TIAL1: variants seen among roughly 807,000 people sequenced by gnomAD.
TIAL1 encodes TIA1 cytotoxic granule associated RNA binding protein like 1, also known as nucleolysin TIAR.
TIAL1 carries 7 observed loss-of-function variants against 59.7 expected under a neutral mutation model. The ratio of observed to expected loss-of-function variants is 0.12; its 90% CI spans 0.07 to 0.22. The LOEUF is 0.22. Among genes scored for constraint, TIAL1 ranks in the 10% least tolerant of loss-of-function variants. TIAL1 has a pLI of 1.00. For synonymous variants in TIAL1, 149 were observed against 146.3 expected (o/e 1.02, Z -0.13); for missense variants, 225 against 462.5 (o/e 0.49, Z 4.71).
At chr10:119,583,329 T>C (rs1845386507) in intron 2 of TIAL1, among the ~76,000 whole-genome samples, 1 of 152,144 alleles carries the variant, frequency 6.6e-6, no homozygotes, top group Admixed American at 6.5e-5. Context: ...AAGAACACCA[T>C]ATAAAAAATC....
intron 1 of TIAL1, among the ~76,000 whole-genome samples, chr10:119,590,769 A>AG (rs1491278715): frequency 1.0e-3 from 89 of 87,276 alleles, no homozygotes; most frequent in African/African-American, 4.3e-3. Context: ...AGAGAGAAAG[A>AG]AAGAAAGAAA....
At chr10:119,586,689 C>T (rs542803435) in intron 2 of TIAL1, among the ~76,000 whole-genome samples, 1 of 152,292 alleles carries the variant, frequency 6.6e-6, no homozygotes, top group East Asian at 1.9e-4. Context: ...GACTCATTTC[C>T]CTTAACTCCC....
chr10:119,596,759 T>C lies in TIAL1; in HGVS notation c.-294A>G. Reference sequence around the variant, plus strand: ...ACCGCTCAGGCCAGCCGCGACAGCCTGCAAGGGGGACGACCGAGGGGAGAG... The same window carrying C: ...ACCGCTCAGGCCAGCCGCGACAGCCCGCAAGGGGGACGACCGAGGGGAGAG... On this transcript the variant is annotated 5_prime_UTR_variant, in exon 1 of 12. Coordinates refer to ENST00000436547, the MANE Select transcript of TIAL1 (RefSeq NM_003252.4). 1 of 500,870 alleles carries C rather than the reference T, an allele frequency of 2.0e-6. No homozygotes were observed. Among genetic ancestry groups the C allele is most frequent in the Non-Finnish European group, 3.6e-6 (1 of 278,962 alleles). The allele number at this position is 500,870 out of a possible 1,614,324, so 31.0% of individuals were successfully genotyped here. A position where few individuals can be genotyped will look rare whatever the true frequency, so the allele number is the denominator to read the frequency against.
At chr10:119,593,425 G>T (rs1444544682) in intron 1 of TIAL1, 11 of 937,690 alleles carry the variant, frequency 1.2e-5, no homozygotes, top group Non-Finnish European at 1.4e-5. Flanking sequence ...TAGTAATACT[G>T]TAGGTAATGA....
At chr10:119,586,148 C>G (rs181967574) in intron 2 of TIAL1, among the ~76,000 whole-genome samples, 63 of 152,280 alleles carry the variant, frequency 4.1e-4, no homozygotes, top group Non-Finnish European at 6.8e-4. Context: ...AATCTAACGT[C>G]CACTTTGATG....
chr10:119,577,747 A>C lies in TIAL1; in HGVS notation c.557-11T>G, dbSNP rs1333695782. On this transcript the variant is annotated splice_polypyrimidine_tract_variant and intron_variant, in intron 7 of 11. Coordinates refer to ENST00000436547, the MANE Select transcript of TIAL1 (RefSeq NM_003252.4). The stretch of plus-strand genomic sequence containing the variant: ...ACTGCTTAGTGTTGTCTGTATGCAG[A>C]AACAAAACAAAAACGTTGACTGTTA... 4 of 1,595,656 alleles carry C rather than the reference A, an allele frequency of 2.5e-6. No individual in the cohort carries two copies. The African/African-American group carries it at 4.0e-5, about 16-fold the overall frequency.
intron 5 of TIAL1, chr10:119,580,418 T>G: frequency 5.2e-6 from 4 of 769,026 alleles, no homozygotes; most frequent in Non-Finnish European, 4.9e-6. Context: ...ACAAAATATA[T>G]GAAATATTAA....
Position 119,577,696 on chromosome 10 carries a change from C to T in TIAL1, c.597G>A (p.Gln199=). ...ACACAGTACAATTTTTTGGACTTGA[C>T]TGGTTTACTACATCTTCAAATCTCA... is the stretch of plus-strand genomic sequence containing the variant. ...KQLRFEDVVN[Q]SSPKNCTVYC... is the part of the protein sequence containing the mutation. Residue 199 remains glutamine (Q), a synonymous_variant, in exon 8 of 12, where the codon CAG becomes CAA. Transcript: ENST00000436547. 2 of 1,614,190 alleles carry T rather than the reference C, an allele frequency of 1.2e-6. No individual in the cohort carries two copies. The highest frequency in any genetic ancestry group is 1.7e-6 in the Non-Finnish European group (2 of 1,180,018).
intron 6 of TIAL1, 35 bp from the exon 7 acceptor site, chr10:119,578,869 A>G (rs560573693): frequency 5.3e-6 from 8 of 1,517,834 alleles, no homozygotes; most frequent in South Asian, 2.3e-5. Context: ...TCACAAAGAA[A>G]AGAGTGATAA....
At chr10:119,591,664 G>T (rs571478002) in intron 1 of TIAL1, among the ~76,000 whole-genome samples, 92 of 152,238 alleles carry the variant, frequency 6.0e-4, no homozygotes, top group African/African-American at 2.0e-3. Flanking sequence ...AAACTAACAT[G>T]AAAGGCCTTC....
At chr10:119,579,692 C>T (rs1194339163) in intron 6 of TIAL1, among the ~76,000 whole-genome samples, 5 of 152,146 alleles carry the variant, frequency 3.3e-5, no homozygotes, top group Non-Finnish European at 5.9e-5. Flanking sequence ...TGACCTTTAC[C>T]AATGTACAAA....
At chr10:119,585,634 TGTA>T (rs1845534549) in intron 2 of TIAL1, among the ~76,000 whole-genome samples, 1 of 152,290 alleles carries the variant, frequency 6.6e-6, no homozygotes, top group Admixed American at 6.5e-5. Context: ...AATAGCTGTA[TGTA>T]TACATGGGGT....
At chr10:119,584,050 A>C (rs976369530) in intron 2 of TIAL1, among the ~76,000 whole-genome samples, 3 of 152,208 alleles carry the variant, frequency 2.0e-5, no homozygotes, top group Non-Finnish European at 2.9e-5. Context: ...AATCACAGCA[A>C]AACATACAGG....
chr10:119,577,783 T>C, intron 7 of TIAL1, 47 bp from the exon 8 acceptor site: 6 of 1,481,730 alleles, frequency 4.0e-6, no homozygotes, highest in Non-Finnish European at 5.7e-6. Context: ...TATTGTACTA[T>C]GAAACTCTTC....
chr10:119,584,405 TG>T (rs1479892634), intron 2 of TIAL1, among the ~76,000 whole-genome samples: 4 of 151,798 alleles, frequency 2.6e-5, no homozygotes, highest in African/African-American at 7.2e-5. Flanking sequence ...CATAAAACTA[TG>T]GGGGAAAAAG....
At chr10:119,576,826 A>T in intron 10 of TIAL1, 76 bp from the exon 11 acceptor site, 1 of 1,562,542 alleles carries the variant, frequency 6.4e-7, no homozygotes, top group Non-Finnish European at 8.7e-7. Flanking sequence ...GAGACAAGGA[A>T]GAGAAAAACT....
At position 119,579,918 on chromosome 10, in the gene TIAL1, G is replaced by A; in HGVS notation, c.447+17C>T. ...AATTTAGTATTAAAAAATATAAATTGAGATGGAAGAACGTACCAGTTTGTT... is the reference window on the plus strand; with the variant it reads ...AATTTAGTATTAAAAAATATAAATTAAGATGGAAGAACGTACCAGTTTGTT... On this transcript the variant is annotated intron_variant, in intron 6 of 11. Transcript: ENST00000436547. 5 of 1,558,202 alleles carry A rather than the reference G, an allele frequency of 3.2e-6. No homozygotes were observed. Among genetic ancestry groups the A allele is most frequent in the Non-Finnish European group, 4.3e-6 (5 of 1,155,274 alleles).
intron 6 of TIAL1, 76 bp downstream of exon 6, chr10:119,579,859 T>C: frequency 8.4e-7 from 1 of 1,188,236 alleles, no homozygotes; most frequent in Non-Finnish European, 1.2e-6. Flanking sequence ...TATATTCAAG[T>C]TTCAGATTCA....
In TIAL1 at chr10:119,579,036, T is replaced by C. The variant is rs548672787; in HGVS notation, c.448-202A>G. The C allele has an allele frequency of 4.8e-5, 28 of 577,646 alleles. No homozygotes were observed. In the African/African-American group the frequency reaches 5.2e-4, roughly 11 times the overall value. 35.8% of individuals were successfully genotyped at this position (577,646 alleles called of 1,614,324 possible). On this transcript the variant is annotated intron_variant, in intron 6 of 11. Coordinates refer to ENST00000436547, the MANE Select transcript of TIAL1 (RefSeq NM_003252.4). ...TTCAATCTAAGCAAAAACAGAATAC[T>C]CTGGCCCTTTATCTTACCACTTCAA...
Sources: gnomAD v4.1 joint callset for allele counts (sites outside exome capture counted in the v4.1 genomes callset) on GRCh38, gnomAD v4.1.1 for gene constraint, MANE v1.5 for transcripts, NCBI Gene and HGNC (gene_info 2026-07-23, HGNC 2026-07-21) for gene names.